The following FOXP1 variants were observed in gnomAD, a reference collection of about 807,000 sequenced individuals.
FOXP1 encodes forkhead box P1.
FOXP1 carries 15 observed loss-of-function variants against 98.2 expected under a neutral mutation model. The ratio of observed to expected loss-of-function variants is 0.15; its 90% CI spans 0.10 to 0.24. The LOEUF is 0.24. FOXP1 is among the 10% of genes least tolerant of loss of function. The pLI is 1.00. For missense variants in FOXP1, 633 were observed against 848.5 expected (o/e 0.75, Z 3.15); for synonymous variants, 371 against 314.5 (o/e 1.18, Z -1.90).
chr3:71,110,012 C>G (rs569804725), intron 7 of FOXP1, among the ~76,000 whole-genome samples: 1 of 152,236 alleles, frequency 6.6e-6, no homozygotes, highest in Admixed American at 6.5e-5. Flanking sequence ...CCCTTCTCCC[C>G]CTACTTTTTA....
At chr3:70,981,094 A>G (rs2038753704) in intron 14 of FOXP1, among the ~76,000 whole-genome samples, 2 of 151,490 alleles carry the variant, frequency 1.3e-5, no homozygotes, top group Admixed American at 6.6e-5. Flanking sequence ...ACAGCTACGA[A>G]GAATAGACAA....
chr3:71,012,763 A>G (rs2043837213), intron 12 of FOXP1, among the ~76,000 whole-genome samples: 1 of 152,154 alleles, frequency 6.6e-6, no homozygotes, highest in Non-Finnish European at 1.5e-5. Context: ...CACATAAATC[A>G]GCTCACCTCT....
rs546513404 is a variant in FOXP1 at position 71,526,885 on chromosome 3, T to C, written c.-297-33330A>G. The stretch of plus-strand genomic sequence containing the variant: ...GGGAGGCTGGGGCAGGAGAATTGCT[T>C]AAACCTGGGAGGCAGAGGTCGCGGT... On this transcript the variant is annotated intron_variant, in intron 2 of 20. Coordinates refer to ENST00000649528, the MANE Select transcript of FOXP1 (RefSeq NM_001349338.3). Among the ~76,000 whole-genome samples, 10 of 148,150 alleles carry C rather than the reference T, an allele frequency of 6.7e-5. No individual in the cohort carries two copies. The South Asian group carries it at 2.1e-3, about 31-fold the overall frequency.
Position 70,957,297 on chromosome 3 carries a change from TAAC to T in FOXP1, c.*1947_*1949del, listed in dbSNP as rs2032060817. ...GGTACACAAAAAGAAAAAGGAAAAA[TAAC>T]TACTAGAAAAAAGTAACAACTTTGG... On this transcript the variant is annotated 3_prime_UTR_variant, in exon 21 of 21. Coordinates refer to ENST00000649528, the MANE Select transcript of FOXP1 (RefSeq NM_001349338.3). 1 of 226,824 alleles carries T rather than the reference TAAC, an allele frequency of 4.4e-6. No individual in the cohort carries two copies. Among genetic ancestry groups the T allele is most frequent in the African/African-American group, 2.2e-5 (1 of 44,932 alleles). 14.1% of individuals were successfully genotyped at this position (226,824 alleles called of 1,614,324 possible).
chr3:71,379,674 G>T (rs1354602474), intron 3 of FOXP1, among the ~76,000 whole-genome samples: 1 of 152,104 alleles, frequency 6.6e-6, no homozygotes, highest in Non-Finnish European at 1.5e-5. Context: ...AAATCAAATT[G>T]CTGTGTCCAT....
At chr3:71,254,790 T>C (rs2068494739) in intron 5 of FOXP1, among the ~76,000 whole-genome samples, 1 of 152,228 alleles carries the variant, frequency 6.6e-6, no homozygotes, top group Admixed American at 6.5e-5. Context: ...TGATCTTATC[T>C]ACAGGGTAAA....
At chr3:71,571,556 T>G (rs1003597665) in intron 2 of FOXP1, 12 of 152,166 alleles carry the variant, frequency 7.9e-5, no homozygotes, top group Non-Finnish European at 1.8e-4. Flanking sequence ...AAAAATTAAG[T>G]TTTTCCAATC....
intron 3 of FOXP1, among the ~76,000 whole-genome samples, chr3:71,464,331 C>T (rs2088476029): frequency 6.6e-6 from 1 of 152,160 alleles, no homozygotes; most frequent in African/African-American, 2.4e-5. Context: ...GAGCAGGTGA[C>T]CAGCATCCCC....
At position 71,440,103 on chromosome 3, in the gene FOXP1, C is replaced by CA. The variant is rs201337126; in HGVS notation, c.-168+53322dup. ...TATCTAGAGTTGTCAAATTCATAGACAAAGTAGAATGCTGGTTGCCAGGGG... is the reference window on the plus strand; with the variant it reads ...TATCTAGAGTTGTCAAATTCATAGACAAAAGTAGAATGCTGGTTGCCAGGGG... On this transcript the variant is annotated intron_variant, in intron 3 of 20. Coordinates refer to ENST00000649528, the MANE Select transcript of FOXP1 (RefSeq NM_001349338.3). 4.7e-3 allele frequency among the ~76,000 whole-genome samples: 721 copies of CA among 152,144 alleles called. 9 individuals carry two copies. The highest frequency in any genetic ancestry group is 0.017 in the African/African-American group (694 of 41,482).
chr3:71,016,239 T>C (rs1329300545), intron 11 of FOXP1, among the ~76,000 whole-genome samples: 1 of 152,166 alleles, frequency 6.6e-6, no homozygotes, highest in Non-Finnish European at 1.5e-5. Flanking sequence ...AAGAAGATTA[T>C]ATTCCTAAAA....
chr3:71,126,521 AAAAG>A (rs2059190771), intron 6 of FOXP1, among the ~76,000 whole-genome samples: 1 of 150,830 alleles, frequency 6.6e-6, no homozygotes, highest in East Asian at 2.0e-4. Flanking sequence ...AAATAAAAAG[AAAAG>A]AAAAGAAATT....
Position 71,536,884 on chromosome 3 carries a change from G to C in FOXP1, c.-297-43329C>G, listed in dbSNP as rs544606333. The stretch of plus-strand genomic sequence containing the variant: ...TCTATATAGTGTCCCATTTTCCCCA[G>C]TGGCAACACATGTGCAGAATAGCAG... On this transcript the variant is annotated intron_variant, in intron 2 of 20. Coordinates refer to ENST00000649528, the MANE Select transcript of FOXP1 (RefSeq NM_001349338.3). Among the ~76,000 whole-genome samples, 5 of 152,192 alleles carry C rather than the reference G, an allele frequency of 3.3e-5. No homozygotes were observed. The South Asian group carries it at 1.0e-3, about 32-fold the overall frequency.
At chr3:71,286,936 C>G (rs765810660) in intron 5 of FOXP1, among the ~76,000 whole-genome samples, 47 of 152,114 alleles carry the variant, frequency 3.1e-4, no homozygotes, top group Non-Finnish European at 5.6e-4. Flanking sequence ...TGAGTTATCT[C>G]GAGATGTCCA....
intron 9 of FOXP1, among the ~76,000 whole-genome samples, chr3:71,047,968 T>G (rs983314978): frequency 1.3e-5 from 2 of 152,194 alleles, no homozygotes; most frequent in Admixed American, 6.5e-5. Flanking sequence ...TAATGTAGAT[T>G]TCCTCAGTAA....
At chr3:71,509,161 G>C (rs2042025318) in intron 2 of FOXP1, among the ~76,000 whole-genome samples, 1 of 152,206 alleles carries the variant, frequency 6.6e-6, no homozygotes, top group Non-Finnish European at 1.5e-5. Context: ...GATGAAGCAT[G>C]CCCTTGTGCA....
intron 5 of FOXP1, among the ~76,000 whole-genome samples, chr3:71,273,067 C>T (rs963025485): frequency 1.3e-5 from 2 of 152,212 alleles, no homozygotes; most frequent in Admixed American, 6.5e-5. Flanking sequence ...GGCTCCCTCT[C>T]TGCTGTTCAA....
At chr3:71,147,265 G>C (rs989618654) in intron 6 of FOXP1, among the ~76,000 whole-genome samples, 5 of 152,112 alleles carry the variant, frequency 3.3e-5, no homozygotes, top group Admixed American at 3.3e-4. Flanking sequence ...AGGTCATTTT[G>C]TTGCAAAAGA....
chr3:71,046,434 CAA>C (rs2049044623), intron 10 of FOXP1, among the ~76,000 whole-genome samples: 1 of 152,034 alleles, frequency 6.6e-6, no homozygotes, highest in East Asian at 1.9e-4. Flanking sequence ...GGAAACTAAA[CAA>C]AGTTTTCCTT....
At chr3:71,251,025 A>C (rs1300367268) in intron 5 of FOXP1, among the ~76,000 whole-genome samples, 1 of 152,222 alleles carries the variant, frequency 6.6e-6, no homozygotes, top group Non-Finnish European at 1.5e-5. Context: ...TTTAAGTAAA[A>C]ATTATTTTTT....
Sources: gnomAD v4.1 joint callset for allele counts (sites outside exome capture counted in the v4.1 genomes callset) on GRCh38, gnomAD v4.1.1 for gene constraint, MANE v1.5 for transcripts, NCBI Gene and HGNC (gene_info 2026-07-23, HGNC 2026-07-21) for gene names.